AR: variants seen among roughly 807,000 people sequenced by gnomAD.
AR encodes the protein androgen receptor, also known as dihydrotestosterone receptor.
AR carries 8 observed loss-of-function variants against 53.9 expected under a neutral mutation model. The observed-to-expected ratio is 0.15, with a 90% confidence interval of 0.09 to 0.27. The LOEUF is 0.27. Among genes scored for constraint, AR ranks in the 10% least tolerant of loss-of-function variants. AR has a pLI of 1.00. For synonymous variants in AR, 359 were observed against 316.4 expected (o/e 1.13, Z -1.43); for missense variants, 639 against 742.5 (o/e 0.86, Z 1.62).
At chrX:67,629,474 G>A (rs1184103433) in intron 1 of AR, among the ~76,000 whole-genome samples, 118 of 105,369 alleles carry the variant, frequency 1.1e-3, no homozygotes, top group African/African-American at 3.6e-3. Context: ...CTGTGGGATC[G>A]GTGGTGATAT....
intron 2 of AR, among the ~76,000 whole-genome samples, chrX:67,677,266 A>T (rs1404257909): frequency 8.9e-6 from 1 of 111,967 alleles, no homozygotes; most frequent in Non-Finnish European, 1.9e-5. Flanking sequence ...ATCTTCCAGG[A>T]CCTGGGCTGC....
At chrX:67,633,863 T>C (rs987124941) in intron 1 of AR, among the ~76,000 whole-genome samples, 2 of 111,447 alleles carry the variant, frequency 1.8e-5, no homozygotes, top group African/African-American at 6.5e-5. Context: ...AAAAGAAAAA[T>C]ATTTAGAGAT....
intron 7 of AR, 41 bp downstream of exon 7, chrX:67,723,025 C>CTGAT (rs757152495): frequency 1.0e-5 from 12 of 1,194,926 alleles, no homozygotes; most frequent in Middle Eastern, 2.3e-4. Context: ...GGAGAACAGC[C>CTGAT]TGATAGAGCC....
At chrX:67,653,543 G>A (rs1054511404) in intron 2 of AR, among the ~76,000 whole-genome samples, 4 of 111,395 alleles carry the variant, frequency 3.6e-5, no homozygotes, top group African/African-American at 6.5e-5. Context: ...AAGACACGGC[G>A]ATGTGAAAGT....
intron 1 of AR, among the ~76,000 whole-genome samples, chrX:67,608,811 A>G (rs5965429): frequency 0.48 from 53,676 of 110,762 alleles, 11,728 homozygotes; most frequent in Non-Finnish European, 0.68. Flanking sequence ...TATATTAAAC[A>G]TGGTTTTAAT....
chrX:67,713,284 G>A (rs1342353970), intron 4 of AR, among the ~76,000 whole-genome samples: 1 of 110,639 alleles, frequency 9.0e-6, no homozygotes, highest in Non-Finnish European at 1.9e-5. Flanking sequence ...GGGAAGCTGA[G>A]GTCGACTAGC....
chrX:67,568,483 C>T (rs1243317183), intron 1 of AR, among the ~76,000 whole-genome samples: 1 of 111,311 alleles, frequency 9.0e-6, no homozygotes, highest in Non-Finnish European at 1.9e-5. Flanking sequence ...AATGCCCTTT[C>T]TAGCTAGGGT....
At chrX:67,681,963 A>G (rs1312244796) in intron 2 of AR, among the ~76,000 whole-genome samples, 1 of 112,480 alleles carries the variant, frequency 8.9e-6, no homozygotes, top group Non-Finnish European at 1.9e-5. Context: ...AACAGAATGA[A>G]GGACAAAAAC....
chrX:67,613,244 G>A (rs1412214433), intron 1 of AR, among the ~76,000 whole-genome samples: 1 of 112,148 alleles, frequency 8.9e-6, no homozygotes, highest in Non-Finnish European at 1.9e-5. Context: ...TTGTGGAACA[G>A]GGGAGTCACT....
intron 1 of AR, among the ~76,000 whole-genome samples, chrX:67,603,774 G>A (rs374991314): frequency 1.8e-5 from 2 of 111,242 alleles, no homozygotes; most frequent in East Asian, 5.7e-4. Context: ...TGTAGATAAG[G>A]GTTGATGGTA....
chrX:67,568,968 C>T lies in AR; in HGVS notation c.1616+22206C>T, dbSNP rs1357081302. ...GTACAGGGAACCAGGGAAACGAATG[C>T]AGAGTGCTCCTGACATTGCCTGTCA... On this transcript the variant is annotated intron_variant, in intron 1 of 7. Coordinates refer to ENST00000374690, the MANE Select transcript of AR (RefSeq NM_000044.6). 9.1e-6 allele frequency: 11 copies of T among 1,210,444 alleles called. No homozygotes were observed. The East Asian group carries it at 3.3e-4, about 36-fold the overall frequency.
chrX:67,663,067 T>A (rs1185804811), intron 2 of AR, among the ~76,000 whole-genome samples: 2 of 111,652 alleles, frequency 1.8e-5, no homozygotes, highest in Non-Finnish European at 3.8e-5. Flanking sequence ...ATGGGTCTTG[T>A]CTCTTTATCC....
rs879239848 is a variant in AR at position 67,723,999 on chromosome X, C to CT, written c.*167dup. ...ATGTTCCTGAATTCTATTTGCTGGG[C>CT]TTTTTTTTTCTCTTTCTCTCCTTTC... is the stretch of plus-strand genomic sequence containing the variant. On this transcript the variant is annotated 3_prime_UTR_variant, in exon 8 of 8. Coordinates refer to ENST00000374690, the MANE Select transcript of AR (RefSeq NM_000044.6). 6.4e-4 allele frequency: 445 copies of CT among 690,673 alleles called. No homozygotes were observed. The highest frequency in any genetic ancestry group is 8.1e-4 in the Non-Finnish European group (385 of 475,627). 56.9% of individuals were successfully genotyped at this position (690,673 alleles called of 1,213,427 possible). A position where few individuals can be genotyped will look rare whatever the true frequency, so the allele number is the denominator to read the frequency against.
At chrX:67,714,267 A>G (rs1355457210) in intron 4 of AR, among the ~76,000 whole-genome samples, 2 of 112,280 alleles carry the variant, frequency 1.8e-5, no homozygotes, top group Admixed American at 9.5e-5. Flanking sequence ...GTAAGATGAT[A>G]GAATAATCAC....
At chrX:67,550,807 C>T (rs1307176247) in intron 1 of AR, among the ~76,000 whole-genome samples, 1 of 109,782 alleles carries the variant, frequency 9.1e-6, no homozygotes, top group African/African-American at 3.3e-5. Flanking sequence ...TTTTATTCCA[C>T]TCCTTTCATG....
chrX:67,643,146 T>G (rs1188412533), intron 1 of AR, 110 bp from the exon 2 acceptor site: 4 of 948,824 alleles, frequency 4.2e-6, no homozygotes, highest in Non-Finnish European at 6.0e-6. Context: ...ACTTGAGCAA[T>G]GAATAATAGT....
In AR at chrX:67,545,650, C is replaced by T. The variant is rs1212957056; in HGVS notation, c.504C>T (p.Gly168=). 8.4e-7 allele frequency: 1 copy of T among 1,195,816 alleles called. No homozygotes were observed. Among genetic ancestry groups the T allele is most frequent in the Non-Finnish European group, 1.1e-6 (1 of 887,288 alleles). The change falls in exon 1 of 8, where the codon GGC becomes GGT. Residue 168 remains glycine, a synonymous_variant. Transcript: ENST00000374690. ...SAAPSTLSLL[G]PTFPGLSSCS... ...CCCCATCCACGTTGTCCCTGCTGGG[C>T]CCCACTTTCCCCGGCTTAAGCAGCT...
chrX:67,664,884 C>T (rs763236613), intron 2 of AR, among the ~76,000 whole-genome samples: 4 of 112,654 alleles, frequency 3.6e-5, no homozygotes, highest in Non-Finnish European at 5.6e-5. Flanking sequence ...TAGCAATGAG[C>T]GAGGCTCTGT....
At chrX:67,593,623 T>C (rs1040657980) in intron 1 of AR, among the ~76,000 whole-genome samples, 2 of 112,180 alleles carry the variant, frequency 1.8e-5, no homozygotes, top group Non-Finnish European at 3.8e-5. Context: ...GTGCTGGGAT[T>C]ACAGGCGTGT....
Sources: allele counts gnomAD v4.1 joint callset (sites outside exome capture counted in the v4.1 genomes callset), GRCh38; gene constraint gnomAD v4.1.1; transcripts MANE v1.5; gene names NCBI Gene and HGNC (gene_info 2026-07-23, HGNC 2026-07-21).